Variants in PIK3R4 observed in about 807,000 individuals in gnomAD.
PIK3R4 encodes phosphoinositide-3-kinase regulatory subunit 4, also known as phosphoinositide 3-kinase regulatory subunit 4.
Under a neutral mutation model 136.5 loss-of-function variants are expected in PIK3R4, and 46 were observed. The ratio of observed to expected loss-of-function variants is 0.34; its 90% confidence interval spans 0.27 to 0.43. The LOEUF is 0.43. PIK3R4 is among the 20% of genes least tolerant of loss of function. The pLI is 1.00. For synonymous variants in PIK3R4, 557 were observed against 566.7 expected, an observed-to-expected ratio of 0.98 and a Z score of 0.24; for missense variants, 1,331 against 1,649.5, an observed-to-expected ratio of 0.81 and a Z score of 3.35.
At chr3:130,681,201 T>C (rs2066456320) in intron 17 of PIK3R4, 136 bp from the exon 18 acceptor site, 2 of 686,302 alleles carry the variant, frequency 2.9e-6, no homozygotes, top group Non-Finnish European at 5.3e-6. Flanking sequence ...AGACCAGTTA[T>C]GTATGCCCTA....
chr3:130,712,708 A>G (rs2066639189), intron 9 of PIK3R4, among the ~76,000 whole-genome samples: 1 of 152,022 alleles, frequency 6.6e-6, no homozygotes, highest in Non-Finnish European at 1.5e-5. Flanking sequence ...CTCAATTCCT[A>G]TCTCCAAAGC....
chr3:130,737,860 G>C (rs1477489779), intron 2 of PIK3R4, among the ~76,000 whole-genome samples: 3 of 152,144 alleles, frequency 2.0e-5, no homozygotes, highest in African/African-American at 7.2e-5. Flanking sequence ...GTGAAAAACA[G>C]AATGATTGTA....
At chr3:130,712,758 C>T (rs535865664) in intron 9 of PIK3R4, among the ~76,000 whole-genome samples, 49 of 151,846 alleles carry the variant, frequency 3.2e-4, no homozygotes, top group African/African-American at 9.9e-4. Context: ...TCCTAAGAAA[C>T]TCAGGTAGCA....
At chr3:130,681,126 G>A in intron 17 of PIK3R4, 61 bp from the exon 18 acceptor site, 1 of 944,032 alleles carries the variant, frequency 1.1e-6, no homozygotes, top group Non-Finnish European at 1.7e-6. Context: ...AAATGATAGT[G>A]CTATTTCTAG....
intron 8 of PIK3R4, among the ~76,000 whole-genome samples, chr3:130,718,107 CACTTTT>C (rs1014518151): frequency 1.3e-5 from 2 of 152,120 alleles, no homozygotes; most frequent in African/African-American, 4.8e-5. Flanking sequence ...GACTATATTT[CACTTTT>C]AACAGTTGCT....
At chr3:130,702,325 C>CA (rs903013413) in intron 13 of PIK3R4, among the ~76,000 whole-genome samples, 2 of 149,760 alleles carry the variant, frequency 1.3e-5, no homozygotes, top group Non-Finnish European at 3.0e-5. Context: ...AAATGTTGAC[C>CA]AAAAAAAAAT....
rs778588317 is a variant in PIK3R4 at position 130,706,997 on chromosome 3, CGAG to C, written c.2669_2671del (p.Pro890del). Reference sequence around the variant, plus strand: ...ACAAATGCCAGCAGAGGACTCGGAACGAGGAGGTTTCCCAGTCTGAATCACCTC... The same window carrying C: ...ACAAATGCCAGCAGAGGACTCGGAACGAGGTTTCCCAGTCTGAATCACCTC... On this transcript the variant is annotated inframe_deletion, in exon 11 of 20. Transcript: ENST00000356763. 9.9e-6 allele frequency: 16 copies of C among 1,612,712 alleles called. No individual in the cohort carries two copies. The highest frequency in any genetic ancestry group is 1.4e-5 in the Non-Finnish European group (16 of 1,179,404).
Position 130,723,340 on chromosome 3 carries a change from C to T in PIK3R4, c.1981+74G>A, listed in dbSNP as rs1040960531. Reference sequence around the variant, plus strand: ...ATCAATAGCAGGAACAATAAAGTTGCAATTCTTTATATTACCTAGAAATTT... The same window carrying T: ...ATCAATAGCAGGAACAATAAAGTTGTAATTCTTTATATTACCTAGAAATTT... On this transcript the variant is annotated intron_variant, in intron 7 of 19. Transcript: ENST00000356763. 11 of 1,293,832 alleles carry T rather than the reference C, an allele frequency of 8.5e-6. No homozygotes were observed. In the African/African-American group the frequency reaches 1.6e-4, roughly 19 times the overall value. The allele number at this position is 1,293,832 out of a possible 1,614,324, so 80.1% of individuals were successfully genotyped here.
At chr3:130,745,370 C>T (rs909804865) in intron 1 of PIK3R4, 106 bp from the exon 2 acceptor site, 2 of 733,708 alleles carry the variant, frequency 2.7e-6, no homozygotes, top group African/African-American at 1.8e-5. Flanking sequence ...ATGCAGCATA[C>T]TTCTCTTCCA....
At chr3:130,731,895 T>C (rs1051635519) in intron 4 of PIK3R4, among the ~76,000 whole-genome samples, 8 of 152,148 alleles carry the variant, frequency 5.3e-5, no homozygotes, top group African/African-American at 1.2e-4. Flanking sequence ...AAGGCTACGT[T>C]TGGAGGATGG....
At chr3:130,715,439 TA>T (rs2066659294) in intron 9 of PIK3R4, among the ~76,000 whole-genome samples, 1 of 152,158 alleles carries the variant, frequency 6.6e-6, no homozygotes, top group Non-Finnish European at 1.5e-5. Context: ...CCTGACTTTT[TA>T]ATAACTGCCA....
chr3:130,727,344 C>T (rs894524334), intron 6 of PIK3R4, among the ~76,000 whole-genome samples: 3 of 151,728 alleles, frequency 2.0e-5, no homozygotes, highest in African/African-American at 7.3e-5. Context: ...CCTCAGCCCC[C>T]CTCCCGCCGC....
In PIK3R4 at chr3:130,728,666, T is replaced by G. The variant is rs1332396936; in HGVS notation, c.1604A>C (p.Glu535Ala). ...AGTAACAACTTTCTGCTGGACCATT[T>G]CATGTAAGGCTTGGAGCTCTAAAAA... ...NYDTELQALH[E>A]MVQQKVVTLL... is the part of the protein sequence containing the mutation. The change falls in exon 6 of 20, where the codon GAA (glutamate) becomes GCA (alanine). Residue 535 changes from glutamate to alanine, a missense_variant. Physicochemically the swap from Glu to Ala is moderately radical, Grantham distance 107 (BLOSUM62 -1). Coordinates refer to ENST00000356763, the MANE Select transcript of PIK3R4 (RefSeq NM_014602.3). The G allele has an allele frequency of 1.3e-6, 2 of 1,571,812 alleles. No homozygotes were observed. Among genetic ancestry groups the G allele is most frequent in the Non-Finnish European group, 1.7e-6 (2 of 1,157,576 alleles).
intron 4 of PIK3R4, among the ~76,000 whole-genome samples, chr3:130,731,736 T>C (rs999992985): frequency 2.6e-5 from 4 of 152,250 alleles, no homozygotes; most frequent in African/African-American, 7.2e-5. Context: ...TAAAAAATAC[T>C]GTAAAGAAAC....
intron 2 of PIK3R4, among the ~76,000 whole-genome samples, chr3:130,741,157 GC>G: frequency 6.6e-6 from 1 of 152,242 alleles, no homozygotes; most frequent in Non-Finnish European, 1.5e-5. Flanking sequence ...GTATTTGTAG[GC>G]AGAGCCTTTA....
chr3:130,685,451 G>A (rs1171172374), intron 15 of PIK3R4, among the ~76,000 whole-genome samples: 1 of 152,140 alleles, frequency 6.6e-6, no homozygotes, highest in Non-Finnish European at 1.5e-5. Flanking sequence ...ATATATGCCT[G>A]AGATTAATGG....
intron 14 of PIK3R4, among the ~76,000 whole-genome samples, chr3:130,688,464 A>G (rs1282770294): frequency 1.3e-5 from 2 of 152,226 alleles, no homozygotes; most frequent in Admixed American, 1.3e-4. Flanking sequence ...TTAATTTGTC[A>G]CAGACTGCAT....
At chr3:130,716,809 C>CGT (rs1553728989) in intron 8 of PIK3R4, among the ~76,000 whole-genome samples, 4 of 151,966 alleles carry the variant, frequency 2.6e-5, no homozygotes, top group African/African-American at 7.3e-5. Context: ...CTAGACCACA[C>CGT]GTGTGTCTGT....
At position 130,728,502 on chromosome 3, in the gene PIK3R4, C is replaced by A; in HGVS notation, c.1768G>T (p.Asp590Tyr). 6.2e-7 allele frequency: 1 copy of A among 1,612,772 alleles called. No homozygotes were observed. Among genetic ancestry groups the A allele is most frequent in the South Asian group, 1.1e-5 (1 of 90,794 alleles). The part of the protein sequence containing the change: ...HMITFLNDKN[D>Y]WHLRGAFFDS... ...AAAAATGCTCCACGTAGATGCCAAT[C>A]ATTCTTATCATTTAGGAAAGTAATC... Residue 590 changes from aspartate (D) to tyrosine (Y), a missense_variant, in exon 6 of 20, where the codon GAT (aspartate) becomes TAT (tyrosine). Asp to Tyr is a radical substitution (Grantham distance 160). This residue lies in a region of PIK3R4 where 1,180 missense variants were observed against 1,407.0 expected (regional missense o/e 0.84). Coordinates refer to ENST00000356763, the MANE Select transcript of PIK3R4 (RefSeq NM_014602.3).
Sources: allele counts gnomAD v4.1 joint callset (sites outside exome capture counted in the v4.1 genomes callset), GRCh38; gene constraint gnomAD v4.1.1; regional missense constraint gnomAD v4.1.1; transcripts MANE v1.5; gene names NCBI Gene and HGNC (gene_info 2026-07-23, HGNC 2026-07-21).